PPP1CB: variants seen among roughly 807,000 people sequenced by gnomAD.
PPP1CB encodes the protein protein phosphatase 1 catalytic subunit beta, also known as serine/threonine-protein phosphatase PP1-beta catalytic subunit.
A neutral mutation model predicts 43.7 loss-of-function variants in PPP1CB; 2 were observed. The observed-to-expected ratio is 0.05, with a 90% CI of 0.02 to 0.14. The LOEUF is 0.14. PPP1CB is among the 10% of genes least tolerant of loss of function. The pLI, the probability that PPP1CB is intolerant of heterozygous loss-of-function variation, is 1.00. For missense variants in PPP1CB, 84 were observed against 398.0 expected (o/e 0.21, Z 6.71); for synonymous variants, 136 against 135.6 (o/e 1.00, Z -0.02).
chr2:28,783,628 G>A (rs186850182), intron 4 of PPP1CB, among the ~76,000 whole-genome samples: 81 of 151,986 alleles, frequency 5.3e-4, no homozygotes, highest in African/African-American at 1.7e-3. Context: ...GTGGTGGCGC[G>A]CGTCTGTAGT....
intron 1 of PPP1CB, among the ~76,000 whole-genome samples, chr2:28,773,474 CT>C (rs1666958184): frequency 6.6e-6 from 1 of 152,214 alleles, no homozygotes; most frequent in Admixed American, 6.5e-5. Context: ...AATAGCTTCT[CT>C]TTTCAGTTCC....
In PPP1CB at chr2:28,802,876, C is replaced by T. The variant is rs565227723; in HGVS notation, c.*3573C>T. The stretch of plus-strand genomic sequence containing the variant: ...TAGACCGTAAGCTTTTTAAGTTTCT[C>T]ATTGTAATTTACCTTCTCATGCAGA... On this transcript the variant is annotated 3_prime_UTR_variant, in exon 8 of 8. Transcript: ENST00000395366. The T allele has an allele frequency of 6.6e-6, 1 of 152,298 alleles. No homozygotes were observed. The highest frequency in any genetic ancestry group is 1.5e-5 in the Non-Finnish European group (1 of 68,012). The allele number at this position is 152,298 out of a possible 1,614,324, so 9.4% of individuals were successfully genotyped here.
intron 5 of PPP1CB, among the ~76,000 whole-genome samples, chr2:28,787,258 GACC>G (rs774200721): frequency 6.6e-6 from 1 of 152,138 alleles, no homozygotes; most frequent in Non-Finnish European, 1.5e-5. Context: ...AGGAGATCGA[GACC>G]ATCCTGGCTA....
At chr2:28,781,238 A>G (rs1050158839) in intron 3 of PPP1CB, among the ~76,000 whole-genome samples, 2 of 152,058 alleles carry the variant, frequency 1.3e-5, no homozygotes, top group African/African-American at 4.8e-5. Context: ...CAGAAATTCT[A>G]TGTATTTATG....
intron 1 of PPP1CB, among the ~76,000 whole-genome samples, chr2:28,766,144 G>T (rs1395838596): frequency 6.6e-6 from 1 of 152,148 alleles, no homozygotes; most frequent in Non-Finnish European, 1.5e-5. Context: ...AAACTCTTCT[G>T]TGTTTGGTAA....
intron 1 of PPP1CB, among the ~76,000 whole-genome samples, chr2:28,772,533 T>G (rs918709289): frequency 6.6e-6 from 1 of 152,242 alleles, no homozygotes; most frequent in Non-Finnish European, 1.5e-5. Context: ...GCAGTTCTAC[T>G]GCTTTGTTCT....
chr2:28,786,900 T>C (rs1667279148), intron 5 of PPP1CB, among the ~76,000 whole-genome samples: 1 of 152,124 alleles, frequency 6.6e-6, no homozygotes, highest in South Asian at 2.1e-4. Context: ...AGAGTCAGCT[T>C]CAACCAGAAA....
intron 1 of PPP1CB, among the ~76,000 whole-genome samples, chr2:28,768,031 C>T (rs1441736511): frequency 3.3e-5 from 5 of 152,090 alleles, no homozygotes; most frequent in Non-Finnish European, 5.9e-5. Context: ...GGTGTCTAGT[C>T]CTTGACAAGT....
chr2:28,769,338 G>T (rs569815313), intron 1 of PPP1CB, among the ~76,000 whole-genome samples: 2 of 152,314 alleles, frequency 1.3e-5, no homozygotes, highest in Non-Finnish European at 2.9e-5. Context: ...CCGGGTTCAA[G>T]CGATTCTCCT....
chr2:28,800,708 A>G lies in PPP1CB; in HGVS notation c.*1405A>G, dbSNP rs1455952018. On this transcript the variant is annotated 3_prime_UTR_variant, in exon 8 of 8. Coordinates refer to ENST00000395366, the MANE Select transcript of PPP1CB (RefSeq NM_002709.3). ...TTTGTGATTCTTTGACTGTGACACTATTGGATGTGATTCTAAAAGCTTTTA... is the reference window on the plus strand; with the variant it reads ...TTTGTGATTCTTTGACTGTGACACTGTTGGATGTGATTCTAAAAGCTTTTA... 6.6e-6 allele frequency: 1 copy of G among 152,488 alleles called. No individual in the cohort carries two copies. Among genetic ancestry groups the G allele is most frequent in the African/African-American group, 2.4e-5 (1 of 41,438 alleles). 9.4% of individuals were successfully genotyped at this position (152,488 alleles called of 1,614,324 possible).
Position 28,800,627 on chromosome 2 carries a change from A to C in PPP1CB, c.*1324A>C, listed in dbSNP as rs1339956512. On this transcript the variant is annotated 3_prime_UTR_variant, in exon 8 of 8. Coordinates refer to ENST00000395366, the MANE Select transcript of PPP1CB (RefSeq NM_002709.3). Reference sequence around the variant, plus strand: ...TAAGGGTTAGTATTAACAAATGGCAATGAGTAGAAAAGTTAACATGAAGAT... The same window carrying C: ...TAAGGGTTAGTATTAACAAATGGCACTGAGTAGAAAAGTTAACATGAAGAT... 6.6e-6 allele frequency: 1 copy of C among 152,516 alleles called. No individual in the cohort carries two copies. The highest frequency in any genetic ancestry group is 6.5e-5 in the Admixed American group (1 of 15,276). 9.4% of individuals were successfully genotyped at this position (152,516 alleles called of 1,614,324 possible).
rs1240474925 is a variant in PPP1CB, at chr2:28,788,159, G to GA, written c.593-490dup. On this transcript the variant is annotated intron_variant, in intron 5 of 7. Coordinates refer to ENST00000395366, the MANE Select transcript of PPP1CB (RefSeq NM_002709.3). The stretch of plus-strand genomic sequence containing the variant: ...ATCAAAAAGTAACCAAGACAATCCT[G>GA]AAAAAAAAATGGAGGATACTAGCCC... 1.9e-3 allele frequency among the ~76,000 whole-genome samples: 283 copies of GA among 149,472 alleles called. 4 individuals are homozygous for GA. Among genetic ancestry groups the GA allele is most frequent in the African/African-American group, 6.6e-3 (270 of 40,818 alleles).
In PPP1CB at chr2:28,801,852, T is replaced by A. The variant is rs1372637498; in HGVS notation, c.*2549T>A. On this transcript the variant is annotated 3_prime_UTR_variant, in exon 8 of 8. Coordinates refer to ENST00000395366, the MANE Select transcript of PPP1CB (RefSeq NM_002709.3). ...TGGTCGATTTCTATTCTTGAAAGAATCAACTACAGTGAATCCTTTGCATTT... is the reference window on the plus strand; with the variant it reads ...TGGTCGATTTCTATTCTTGAAAGAAACAACTACAGTGAATCCTTTGCATTT... 6.6e-6 allele frequency: 1 copy of A among 152,214 alleles called. No homozygotes were observed. The highest frequency in any genetic ancestry group is 1.5e-5 in the Non-Finnish European group (1 of 68,020). 9.4% of individuals were successfully genotyped at this position (152,214 alleles called of 1,614,324 possible).
intron 2 of PPP1CB, 79 bp downstream of exon 2, chr2:28,777,061 T>G: frequency 6.9e-7 from 1 of 1,444,556 alleles, no homozygotes; most frequent in East Asian, 2.3e-5. Flanking sequence ...GAGAAAACAT[T>G]TTTTGAAATT....
chr2:28,775,337 G>C (rs1282641809), intron 1 of PPP1CB, among the ~76,000 whole-genome samples: 1 of 152,132 alleles, frequency 6.6e-6, no homozygotes, highest in African/African-American at 2.4e-5. Context: ...TTGCGCTCCT[G>C]AGCTCAAGTG....
intron 6 of PPP1CB, among the ~76,000 whole-genome samples, chr2:28,792,106 T>C (rs1667400582): frequency 6.6e-6 from 1 of 152,066 alleles, no homozygotes; most frequent in Non-Finnish European, 1.5e-5. Context: ...TTTGGGAGGC[T>C]GAGGCGAGTG....
At chr2:28,756,313 T>TA (rs1327059129) in intron 1 of PPP1CB, among the ~76,000 whole-genome samples, 1 of 152,244 alleles carries the variant, frequency 6.6e-6, no homozygotes, top group Non-Finnish European at 1.5e-5. Flanking sequence ...TTGGCCCACT[T>TA]ACAGTTTTAT....
intron 1 of PPP1CB, among the ~76,000 whole-genome samples, chr2:28,771,844 C>CA (rs1318804270): frequency 1.3e-5 from 2 of 150,994 alleles, no homozygotes; most frequent in African/African-American, 2.4e-5. Flanking sequence ...AGGCCTTAAC[C>CA]AAAAAAAGAT....
In PPP1CB at chr2:28,788,653, T is replaced by C. The variant is rs1347608536; in HGVS notation, c.593-5T>C. The stretch of plus-strand genomic sequence containing the variant: ...TCTTAATTGCTGTATTTCTGTCCTT[T>C]AAAGGTTTGCTCTGTGATTTGCTAT... On this transcript the variant is annotated splice_region_variant and splice_polypyrimidine_tract_variant and intron_variant, in intron 5 of 7. Transcript: ENST00000395366. 3.7e-6 allele frequency: 6 copies of C among 1,611,614 alleles called. No individual in the cohort carries two copies. The East Asian group carries it at 8.9e-5, about 24-fold the overall frequency.
Sources: gnomAD v4.1 joint callset for allele counts (sites outside exome capture counted in the v4.1 genomes callset) on GRCh38, gnomAD v4.1.1 for gene constraint, MANE v1.5 for transcripts, NCBI Gene and HGNC (gene_info 2026-07-23, HGNC 2026-07-21) for gene names.